Variants in NOTCH2 observed in about 807,000 individuals in gnomAD.
NOTCH2 encodes the protein neurogenic locus notch homolog protein 2.
In NOTCH2, 29 loss-of-function variants were observed where a neutral mutation model predicts 235.8. The observed-to-expected ratio is 0.12, with a 90% CI of 0.09 to 0.17. The LOEUF (loss-of-function observed/expected upper bound fraction) is 0.17, where lower values mean the gene tolerates loss of function less well. Among genes scored for constraint, NOTCH2 ranks in the 10% least tolerant of loss-of-function variants. NOTCH2 has a pLI of 1.00. For missense variants in NOTCH2, 2,285 were observed against 3,150.2 expected (o/e 0.73, Z 6.57); for synonymous variants, 1,086 against 1,141.5 (o/e 0.95, Z 0.98).
intron 11 of NOTCH2, among the ~76,000 whole-genome samples, chr1:119,960,576 A>G (rs1650897614): frequency 6.6e-6 from 1 of 152,006 alleles, no homozygotes; most frequent in South Asian, 2.1e-4. Flanking sequence ...ATATTTTGGT[A>G]GTTTAAAAAG....
At position 119,967,513 on chromosome 1, in the gene NOTCH2, T is replaced by C; in HGVS notation, c.1373A>G (p.Asn458Ser). 9 of 1,614,116 alleles carry C rather than the reference T, an allele frequency of 5.6e-6. No homozygotes were observed. The highest frequency in any genetic ancestry group is 7.6e-6 in the Non-Finnish European group (9 of 1,179,964). ...YAGPRCEMDI[N>S]ECHSDPCQND... ...CTGGCAGGGGTCTGAATGGCACTCA[T>C]TGATGTCCATCTCACAACGAGGTCC... The change falls in exon 8 of 34, where the codon AAT (asparagine) becomes AGT (serine). Residue 458 changes from asparagine to serine, a missense_variant. Asn to Ser is a conservative substitution (Grantham distance 46). Around this residue, in one of 6 missense-constraint regions of NOTCH2, gnomAD observed 431 missense variants for 757.8 expected, o/e 0.57. Transcript: ENST00000256646.
chr1:119,925,619 G>A lies in NOTCH2; in HGVS notation c.4197C>T (p.Ser1399=), dbSNP rs866479046. ...CCGAGAATGGTGGGGCACACTGGCA[G>A]GAGTAATAAGGAGGCTGGCGCTGAG... is the stretch of plus-strand genomic sequence containing the variant. ...CHPQRQPPYY[S]CQCAPPFSGS... Residue 1399 remains serine (S), a synonymous_variant, in exon 25 of 34, where the codon TCC becomes TCT. Transcript: ENST00000256646. 5.0e-6 allele frequency: 8 copies of A among 1,613,928 alleles called. No individual in the cohort carries two copies. In the Admixed American group the frequency reaches 5.0e-5, roughly 10 times the overall value.
chr1:120,068,891 C>A, intron 1 of NOTCH2: 6 of 746,160 alleles, frequency 8.0e-6, no homozygotes, highest in South Asian at 7.5e-5. Flanking sequence ...ACGGTGCAGG[C>A]CGTTTGGCTT....
At chr1:119,973,435 C>T (rs1307209122) in intron 5 of NOTCH2, among the ~76,000 whole-genome samples, 1 of 152,136 alleles carries the variant, frequency 6.6e-6, no homozygotes, top group Non-Finnish European at 1.5e-5. Flanking sequence ...TAAAAAACTT[C>T]AGGTTCAGGA....
At chr1:119,924,089 T>C (rs962367358) in intron 25 of NOTCH2, 105 bp from the exon 26 acceptor site, 4 of 992,890 alleles carry the variant, frequency 4.0e-6, no homozygotes, top group African/African-American at 3.2e-5. Context: ...CCATTTTCTG[T>C]GGCCCACACC....
chr1:119,926,685 G>C, intron 23 of NOTCH2, 74 bp from the exon 24 acceptor site: 2 of 1,236,760 alleles, frequency 1.6e-6, no homozygotes, highest in Non-Finnish European at 2.3e-6. Flanking sequence ...AAACTTTGCT[G>C]GGATGGGAAC....
At chr1:120,037,668 A>G (rs75345084) in intron 1 of NOTCH2, among the ~76,000 whole-genome samples, 7 of 151,814 alleles carry the variant, frequency 4.6e-5, no homozygotes, top group East Asian at 1.9e-4. Flanking sequence ...TGTCTTGATT[A>G]AAAGGAAAAA....
rs1245363965 is a variant in NOTCH2 at position 119,963,697 on chromosome 1, C to T, written c.1792G>A (p.Gly598Arg). 6.2e-7 allele frequency: 1 copy of T among 1,614,132 alleles called. No homozygotes were observed. Among genetic ancestry groups the T allele is most frequent in the South Asian group, 1.1e-5 (1 of 91,088 alleles). Reference sequence around the variant, plus strand: ...TCACTGCAGATGGCGCCCATGTACCCGGGATTGCAGATGCAGGTGTAGGAA... The same window carrying T: ...TCACTGCAGATGGCGCCCATGTACCTGGGATTGCAGATGCAGGTGTAGGAA... Reference protein sequence around the residue: ...IDSYTCICNPGYMGAICSDQI... With the variant: ...IDSYTCICNPRYMGAICSDQI... Residue 598 changes from glycine (G) to arginine (R), a missense_variant, in exon 11 of 34, where the codon GGG becomes AGG. Coordinates refer to ENST00000256646, the MANE Select transcript of NOTCH2 (RefSeq NM_024408.4).
intron 19 of NOTCH2, 55 bp downstream of exon 19, chr1:119,940,500 G>A: frequency 2.0e-6 from 3 of 1,472,814 alleles, no homozygotes; most frequent in Non-Finnish European, 2.8e-6. Flanking sequence ...AAGTGAACAG[G>A]TATAATATTC....
At chr1:119,975,560 C>T (rs1036179007) in intron 5 of NOTCH2, among the ~76,000 whole-genome samples, 3 of 150,888 alleles carry the variant, frequency 2.0e-5, no homozygotes, top group African/African-American at 4.9e-5. Flanking sequence ...GCAGGAGAAT[C>T]GCTTGAATCC....
In NOTCH2 at chr1:119,919,358, C is replaced by G. The variant is rs2101149577; in HGVS notation, c.5735G>C (p.Cys1912Ser). 1.9e-6 allele frequency: 3 copies of G among 1,613,378 alleles called. No individual in the cohort carries two copies. The highest frequency in any genetic ancestry group is 2.5e-6 in the Non-Finnish European group (3 of 1,180,036). The change falls in exon 31 of 34, where the codon TGT becomes TCT. Residue 1912 changes from cysteine (C) to serine (S), a missense_variant. By Grantham distance (112) the Cys-to-Ser change is moderately radical. Coordinates refer to ENST00000256646, the MANE Select transcript of NOTCH2 (RefSeq NM_024408.4). Reference protein sequence around the residue: ...DANAQDNMGRCPLHAAVAADA... With the variant: ...DANAQDNMGRSPLHAAVAADA... Reference sequence around the variant, plus strand: ...AGCTGCCACTGCAGCATGGAGTGGACAGCGGCCCATGTTGTCCTGGGCATT... The same window carrying G: ...AGCTGCCACTGCAGCATGGAGTGGAGAGCGGCCCATGTTGTCCTGGGCATT...
chr1:120,040,812 C>T (rs587665142), intron 1 of NOTCH2, among the ~76,000 whole-genome samples: 31 of 149,330 alleles, frequency 2.1e-4, no homozygotes, highest in South Asian at 4.2e-4. Context: ...CCGAGGTGGG[C>T]GGATCACGAG....
At chr1:119,953,219 G>A (rs1200616981) in intron 14 of NOTCH2, among the ~76,000 whole-genome samples, 1 of 152,048 alleles carries the variant, frequency 6.6e-6, no homozygotes, top group Non-Finnish European at 1.5e-5. Flanking sequence ...GCTGAGGCAG[G>A]AGAATGGCTT....
At chr1:119,959,764 G>A (rs768428073) in intron 11 of NOTCH2, among the ~76,000 whole-genome samples, 2 of 152,154 alleles carry the variant, frequency 1.3e-5, no homozygotes, top group African/African-American at 4.8e-5. Context: ...AGAGGCAATG[G>A]GGTGAAACCG....
intron 2 of NOTCH2, among the ~76,000 whole-genome samples, chr1:120,021,922 G>GC (rs1653657152): frequency 1.9e-5 from 1 of 52,062 alleles, no homozygotes; most frequent in Admixed American, 2.2e-4. Flanking sequence ...AGTGGTTCAG[G>GC]CCTGTAATTC....
chr1:120,002,475 C>G (rs1240623319), intron 3 of NOTCH2, among the ~76,000 whole-genome samples: 1 of 151,856 alleles, frequency 6.6e-6, no homozygotes, highest in South Asian at 2.1e-4. Context: ...CCAATCCAGG[C>G]GGAACTACAA....
chr1:120,066,195 GC>G (rs1343251877), intron 1 of NOTCH2, among the ~76,000 whole-genome samples: 1 of 152,088 alleles, frequency 6.6e-6, no homozygotes, highest in African/African-American at 2.4e-5. Flanking sequence ...TGAGTCAGAA[GC>G]GTTAAACACT....
intron 33 of NOTCH2, among the ~76,000 whole-genome samples, chr1:119,917,157 T>A (rs1385984666): frequency 1.3e-5 from 2 of 151,116 alleles, no homozygotes; most frequent in Non-Finnish European, 3.0e-5. Flanking sequence ...CTGGGAAAAG[T>A]AAGGGAAACA....
chr1:119,921,575 A>G, intron 29 of NOTCH2, 138 bp downstream of exon 29: 1 of 770,632 alleles, frequency 1.3e-6, no homozygotes, highest in South Asian at 1.4e-5. Flanking sequence ...AGGAGAACCT[A>G]GGATAGTTAT....
Sources: gnomAD v4.1 joint callset for allele counts (sites outside exome capture counted in the v4.1 genomes callset) on GRCh38, gnomAD v4.1.1 for gene constraint, gnomAD v4.1.1 regional missense constraint, MANE v1.5 for transcripts, NCBI Gene and HGNC (gene_info 2026-07-23, HGNC 2026-07-21) for gene names.